The following OCIAD1 variants were observed in gnomAD, a reference collection of about 807,000 sequenced individuals.
OCIAD1 encodes the protein OCIA domain-containing protein 1.
A neutral mutation model predicts 38.9 loss-of-function variants in OCIAD1; 29 were observed. The observed-to-expected ratio is 0.74, with a 90% CI of 0.55 to 1.02. The LOEUF is 1.02. Among genes scored for constraint, OCIAD1 ranks in the 50% least tolerant of loss-of-function variants. The pLI, the probability that OCIAD1 is intolerant of heterozygous loss-of-function variation, is 0.00. For missense variants in OCIAD1, 288 were observed against 289.6 expected (o/e 0.99, Z 0.04); for synonymous variants, 110 against 92.0 (o/e 1.20, Z -1.12).
intron 6 of OCIAD1, among the ~76,000 whole-genome samples, chr4:48,851,388 C>T (rs764490556): frequency 1.8e-4 from 27 of 152,118 alleles, no homozygotes; most frequent in Admixed American, 2.6e-4. Flanking sequence ...TAAATAACTG[C>T]GTTAAAAATT....
At chr4:48,823,721 G>A (rs558355873) in intron 1 of OCIAD1, among the ~76,000 whole-genome samples, 2 of 150,846 alleles carry the variant, frequency 1.3e-5, no homozygotes, top group South Asian at 4.2e-4. Context: ...GGAGTGCAGT[G>A]GCATTATCAT....
At chr4:48,820,605 A>C (rs68186508) in intron 1 of OCIAD1, among the ~76,000 whole-genome samples, 1 of 152,248 alleles carries the variant, frequency 6.6e-6, no homozygotes, top group South Asian at 2.1e-4. Context: ...AATTCAATGA[A>C]TCCAGGAGCT....
chr4:48,824,646 T>C (rs1274663342), intron 1 of OCIAD1, among the ~76,000 whole-genome samples: 1 of 152,076 alleles, frequency 6.6e-6, no homozygotes, highest in East Asian at 1.9e-4. Context: ...CTTGGCCAGG[T>C]GTGAACCACC....
chr4:48,833,278 A>G, intron 2 of OCIAD1, 123 bp from the exon 3 acceptor site: 6 of 636,692 alleles, frequency 9.4e-6, no homozygotes, highest in Non-Finnish European at 1.7e-5. Context: ...TGCATAAGCC[A>G]GTTGTTTTAT....
At chr4:48,833,970 A>G (rs1334363482) in intron 3 of OCIAD1, among the ~76,000 whole-genome samples, 1 of 152,124 alleles carries the variant, frequency 6.6e-6, no homozygotes, top group Admixed American at 6.5e-5. Context: ...AAATGTTGTT[A>G]TACTACCAGC....
At chr4:48,849,075 C>T (rs1779202028) in intron 5 of OCIAD1, among the ~76,000 whole-genome samples, 1 of 152,078 alleles carries the variant, frequency 6.6e-6, no homozygotes, top group African/African-American at 2.4e-5. Context: ...TGTTCTCACT[C>T]ATAGGTGGGA....
chr4:48,832,550 TAC>T, intron 1 of OCIAD1, 68 bp from the exon 2 acceptor site: 1 of 1,126,380 alleles, frequency 8.9e-7, no homozygotes, highest in Non-Finnish European at 1.4e-6. Context: ...TACTATATCA[TAC>T]GTCTTGATTT....
At chr4:48,841,633 C>A (rs1274581898) in intron 3 of OCIAD1, among the ~76,000 whole-genome samples, 1 of 152,136 alleles carries the variant, frequency 6.6e-6, no homozygotes, top group Non-Finnish European at 1.5e-5. Flanking sequence ...ACAGTTTGGG[C>A]ACAGTGAGCC....
At chr4:48,849,087 T>C (rs564266771) in intron 5 of OCIAD1, among the ~76,000 whole-genome samples, 9 of 151,914 alleles carry the variant, frequency 5.9e-5, no homozygotes, top group Non-Finnish European at 1.0e-4. Flanking sequence ...TAGGTGGGAA[T>C]CGAACAATGA....
chr4:48,858,323 C>T (rs778645965), intron 8 of OCIAD1, among the ~76,000 whole-genome samples: 3 of 152,196 alleles, frequency 2.0e-5, no homozygotes, highest in Admixed American at 2.0e-4. Context: ...ATACATCTAT[C>T]GCATAAGTTG....
intron 1 of OCIAD1, among the ~76,000 whole-genome samples, chr4:48,819,716 CAAAAAA>C (rs576081813): frequency 9.6e-5 from 1 of 10,454 alleles, no homozygotes; most frequent in Non-Finnish European, 1.8e-4. Flanking sequence ...TTACCAAGCG[CAAAAAA>C]AAAAAAAAAA....
intron 3 of OCIAD1, among the ~76,000 whole-genome samples, chr4:48,841,265 A>G (rs1192267391): frequency 1.3e-5 from 2 of 152,244 alleles, no homozygotes; most frequent in African/African-American, 4.8e-5. Context: ...GTGTTTGCCA[A>G]CCTCAGGTCT....
chr4:48,839,181 A>C (rs1778292861), intron 3 of OCIAD1, among the ~76,000 whole-genome samples: 1 of 152,186 alleles, frequency 6.6e-6, no homozygotes, highest in Non-Finnish European at 1.5e-5. Context: ...CACACCTGTA[A>C]TCCCAGCATT....
intron 3 of OCIAD1, among the ~76,000 whole-genome samples, chr4:48,841,673 T>C (rs1560426118): frequency 6.6e-6 from 1 of 152,300 alleles, no homozygotes; most frequent in East Asian, 1.9e-4. Flanking sequence ...GGGAACTGTT[T>C]ACCAGTCAAG....
chr4:48,842,597 A>C (rs557623704), intron 3 of OCIAD1, 39 bp from the exon 4 acceptor site: 1 of 1,364,120 alleles, frequency 7.3e-7, no homozygotes, highest in Non-Finnish European at 1.0e-6. Flanking sequence ...AAAATCTTTT[A>C]CTTTTGTTGA....
At chr4:48,851,763 C>T (rs370005635) in intron 6 of OCIAD1, 43 bp from the exon 7 acceptor site, 149 of 1,116,588 alleles carry the variant, frequency 1.3e-4, no homozygotes, top group Non-Finnish European at 3.4e-5. Context: ...AAGATATAGG[C>T]AATGACTCAT....
At chr4:48,818,798 A>G (rs578018602) in intron 1 of OCIAD1, among the ~76,000 whole-genome samples, 2 of 152,316 alleles carry the variant, frequency 1.3e-5, no homozygotes, top group East Asian at 3.9e-4. Flanking sequence ...CAATAGCTGA[A>G]TTGATCAAGC....
upstream of OCIAD1, among the ~76,000 whole-genome samples, chr4:48,826,970 G>A (rs548603133): frequency 2.6e-5 from 4 of 152,242 alleles, no homozygotes; most frequent in South Asian, 8.3e-4. Flanking sequence ...ACCAGCATTT[G>A]ATATAATTGA....
chr4:48,852,878 T>TTTGTTTTTTTTTG (rs1553901194), intron 7 of OCIAD1, among the ~76,000 whole-genome samples: 52 of 147,258 alleles, frequency 3.5e-4, no homozygotes, highest in African/African-American at 1.2e-3. Context: ...TTTTTTTGTT[T>TTTGTTTTTTTTTG]TTTGTTTTTT....
Sources: allele counts gnomAD v4.1 joint callset (sites outside exome capture counted in the v4.1 genomes callset), GRCh38; gene constraint gnomAD v4.1.1; transcripts MANE v1.5; gene names NCBI Gene and HGNC (gene_info 2026-07-23, HGNC 2026-07-21).